PSMA6: variants seen among roughly 807,000 people sequenced by gnomAD.
PSMA6 encodes proteasome 20S subunit alpha 6.
For missense variants in PSMA6, 170 were observed against 294.8 expected (o/e 0.58, Z 3.10); for synonymous variants, 88 against 97.7 (o/e 0.90, Z 0.59).
At chr14:35,308,146 G>A in intron 2 of PSMA6, 58 bp downstream of exon 2, 7 of 1,591,144 alleles carry the variant, frequency 4.4e-6, no homozygotes, top group South Asian at 3.3e-5. Flanking sequence ...TTTCAGCCAA[G>A]TGCAGTGGCT....
chr14:35,289,010 T>A (rs775196538), upstream of PSMA6, among the ~76,000 whole-genome samples: 4 of 152,196 alleles, frequency 2.6e-5, no homozygotes, highest in African/African-American at 9.7e-5. Context: ...TAGTGTAGTT[T>A]ATGTGTGGCT....
At chr14:35,310,116 C>T (rs2051912742) in intron 3 of PSMA6, 8 of 392,286 alleles carry the variant, frequency 2.0e-5, no homozygotes, top group South Asian at 1.5e-4. Flanking sequence ...TCCAAGACCC[C>T]ATCTCTAAAA....
chr14:35,292,710 C>T (rs939653720), intron 1 of PSMA6, 158 bp downstream of exon 1: 4 of 1,344,302 alleles, frequency 3.0e-6, no homozygotes, highest in Non-Finnish European at 3.0e-6. Context: ...GTGGTGTTTG[C>T]ACCCCCGTCT....
chr14:35,297,323 C>T (rs2051615911), intron 1 of PSMA6, among the ~76,000 whole-genome samples: 1 of 151,878 alleles, frequency 6.6e-6, no homozygotes, highest in South Asian at 2.1e-4. Flanking sequence ...TCACGCCGTT[C>T]TCCTGCCTCA....
intron 4 of PSMA6, 173 bp from the exon 5 acceptor site, chr14:35,312,708 C>G: frequency 2.1e-6 from 1 of 486,156 alleles, no homozygotes. Flanking sequence ...TACCTGTTAC[C>G]TAATTTACCT....
At chr14:35,286,637 A>G (rs754291542) in intron 1 of PSMA6, among the ~76,000 whole-genome samples, 1 of 152,224 alleles carries the variant, frequency 6.6e-6, no homozygotes, top group Non-Finnish European at 1.5e-5. Context: ...GGGTTCATGT[A>G]TAGTTGTATT....
chr14:35,293,026 A>G, intron 1 of PSMA6: 2 of 457,114 alleles, frequency 4.4e-6, no homozygotes, highest in Non-Finnish European at 8.8e-6. Context: ...GTCCTAGGAG[A>G]TACAAATGTG....
chr14:35,279,921 G>A lies in PSMA6; in HGVS notation c.19+1203G>A, dbSNP rs567536578. On this transcript the variant is annotated intron_variant, in intron 1 of 6. Coordinates refer to the PSMA6 transcript ENST00000540871. ...GGGCGGATCACGAGGTCAGGAGATC[G>A]AGACCATCCTGGCTAACACGGTGAA... 9.9e-4 allele frequency among the ~76,000 whole-genome samples: 148 copies of A among 148,942 alleles called. 3 individuals are homozygous for A. In the South Asian group the frequency reaches 0.022, roughly 22 times the overall value.
intron 1 of PSMA6, among the ~76,000 whole-genome samples, chr14:35,295,974 G>C (rs2051579198): frequency 6.6e-6 from 1 of 152,124 alleles, no homozygotes; most frequent in South Asian, 2.1e-4. Flanking sequence ...TCCTTTGCTG[G>C]ATAGGTCTGG....
At chr14:35,311,285 C>T (rs527316149) in intron 4 of PSMA6, among the ~76,000 whole-genome samples, 85 of 152,314 alleles carry the variant, frequency 5.6e-4, no homozygotes, top group Non-Finnish European at 8.5e-4. Flanking sequence ...TAGGGTCACA[C>T]ACAGGTGTGT....
At chr14:35,303,255 A>C (rs1359889550) in intron 1 of PSMA6, among the ~76,000 whole-genome samples, 2 of 152,044 alleles carry the variant, frequency 1.3e-5, no homozygotes, top group Non-Finnish European at 2.9e-5. Context: ...CTTAAATCTC[A>C]CTCGGTTTCT....
At chr14:35,294,223 A>G (rs2051539375) in intron 1 of PSMA6, among the ~76,000 whole-genome samples, 1 of 152,098 alleles carries the variant, frequency 6.6e-6, no homozygotes. Context: ...TATTTTTAGT[A>G]GAGACGAGGT....
chr14:35,288,474 G>T (rs1244833364), upstream of PSMA6, among the ~76,000 whole-genome samples: 3 of 152,200 alleles, frequency 2.0e-5, no homozygotes, highest in Admixed American at 6.5e-5. Context: ...CTCCAGCCTA[G>T]GCGACAGAGC....
chr14:35,292,225 T>C (rs571703481), upstream of PSMA6: 156 of 1,126,226 alleles, frequency 1.4e-4, no homozygotes, highest in African/African-American at 2.3e-3. Context: ...GTCTATCCAC[T>C]CAAGAGGCCT....
upstream of PSMA6, among the ~76,000 whole-genome samples, chr14:35,291,117 G>C (rs1473710864): frequency 6.7e-6 from 1 of 150,052 alleles, no homozygotes; most frequent in African/African-American, 2.5e-5. Flanking sequence ...TTAGCCCCCC[G>C]AGTAGCTGGG....
At chr14:35,308,421 C>CA (rs201102710) in intron 2 of PSMA6, 1,743 of 138,908 alleles carry the variant, frequency 0.013, 9 homozygotes, top group African/African-American at 0.026. Flanking sequence ...AACTCCGTCT[C>CA]AAAAAAAAAA....
chr14:35,288,218 T>C (rs2051441222), upstream of PSMA6, among the ~76,000 whole-genome samples: 1 of 152,200 alleles, frequency 6.6e-6, no homozygotes, highest in South Asian at 2.1e-4. Context: ...ATGTGGCTAG[T>C]TGGGCATGGT....
At chr14:35,283,327 G>C (rs557085140) in intron 1 of PSMA6, among the ~76,000 whole-genome samples, 6 of 139,460 alleles carry the variant, frequency 4.3e-5, no homozygotes, top group African/African-American at 1.6e-4. Context: ...AGGAGTACGA[G>C]ACCAGCCTGG....
At chr14:35,312,798 A>T in intron 4 of PSMA6, 83 bp from the exon 5 acceptor site, 1 of 1,251,224 alleles carries the variant, frequency 8.0e-7, no homozygotes, top group Non-Finnish European at 1.1e-6. Context: ...CATGATTAGC[A>T]GCAGCTATGT....
Sources: gnomAD v4.1 joint callset for allele counts (sites outside exome capture counted in the v4.1 genomes callset) on GRCh38, gnomAD v4.1.1 for gene constraint, MANE v1.5 for transcripts, NCBI Gene and HGNC (gene_info 2026-07-23, HGNC 2026-07-21) for gene names.